PDLIM2: variants seen among roughly 807,000 people sequenced by gnomAD.
PDLIM2 encodes PDZ and LIM domain protein 2.
A neutral mutation model predicts 54.1 loss-of-function variants in PDLIM2; 51 were observed. The observed-to-expected ratio is 0.94, with a 90% CI of 0.75 to 1.19. The LOEUF is 1.19. PDLIM2 is among the 50% of genes most tolerant of loss of function. PDLIM2 has a pLI of 0.00. For synonymous variants in PDLIM2, 398 were observed against 385.6 expected, an observed-to-expected ratio of 1.03 and a Z score of -0.38; for missense variants, 912 against 874.0, an observed-to-expected ratio of 1.04 and a Z score of -0.55.
intron 1 of PDLIM2, chr8:22,579,598 C>G: frequency 7.3e-7 from 1 of 1,375,444 alleles, no homozygotes; most frequent in African/African-American, 1.5e-5. Flanking sequence ...GGAACAGAGG[C>G]TAGGCCTGGG....
chr8:22,585,115 A>T (rs762069501), exon 5 of PDLIM2: 1 of 1,613,544 alleles, frequency 6.2e-7, no homozygotes, highest in East Asian at 2.2e-5. Context: ...CCTTCTCACC[A>T]CCACCCTCTA....
At chr8:22,594,699 G>A (rs376729632), downstream of PDLIM2, 16 of 1,568,810 alleles carry the variant, frequency 1.0e-5, no homozygotes, top group African/African-American at 2.7e-5. Context: ...TTGGGCCCCC[G>A]GGGCCAGGTT....
chr8:22,580,214 A>G (rs753408389), intron 1 of PDLIM2: 7 of 319,726 alleles, frequency 2.2e-5, no homozygotes, highest in Non-Finnish European at 3.6e-5. Flanking sequence ...GGGGACAGGA[A>G]GCAAGCGCTA....
At chr8:22,583,854 GAAAAAAAAAAAAAAAA>G (rs530039600) in intron 3 of PDLIM2, among the ~76,000 whole-genome samples, 5 of 79,132 alleles carry the variant, frequency 6.3e-5, no homozygotes, top group Admixed American at 1.5e-4. Flanking sequence ...AGGCAAAATA[GAAAAAAAAAAAAAAAA>G]AAAAAAAAAA....
chr8:22,582,286 C>T (rs1233626686), intron 3 of PDLIM2, among the ~76,000 whole-genome samples: 1 of 152,238 alleles, frequency 6.6e-6, no homozygotes, highest in Non-Finnish European at 1.5e-5. Flanking sequence ...CCCTCCTTCT[C>T]CAACTGCCCT....
At position 22,581,406 on chromosome 8, in the gene PDLIM2, G is replaced by A. The variant is rs539425904; in HGVS notation, c.871G>A (p.Ala291Thr). Residue 291 changes from alanine to threonine, a missense_variant, in exon 3 of 10, where the codon GCT becomes ACT. Coordinates refer to ENST00000308354, the Ensembl canonical transcript of PDLIM2. ...GGCCGAGCGGGGCAAAGCCAAGGACGCTGACCTCCGGCCTGGAGACATAAT... is the reference window on the plus strand; with the variant it reads ...GGCCGAGCGGGGCAAAGCCAAGGACACTGACCTCCGGCCTGGAGACATAAT... The A allele has an allele frequency of 1.3e-5, 21 of 1,606,770 alleles. No homozygotes were observed. In the South Asian group the frequency reaches 1.9e-4, roughly 14 times the overall value.
rs530039600 is a variant in PDLIM2 at position 22,583,854 on chromosome 8, G to GA, written c.996-937dup. On this transcript the variant is annotated intron_variant, in intron 3 of 9. Coordinates refer to ENST00000308354, the Ensembl canonical transcript of PDLIM2. ...TCAGTGACAAAGTCCAGGCAAAATA[G>GA]AAAAAAAAAAAAAAAAAAAAAAAAA... Among the ~76,000 whole-genome samples the GA allele has an allele frequency of 5.8e-3, 458 of 79,090 alleles. 15 individuals carry two copies. The highest frequency in any genetic ancestry group is 0.021 in the Middle Eastern group (3 of 144). 51.9% of individuals were successfully genotyped at this position (79,090 alleles called of 152,430 possible). A position where few individuals can be genotyped will look rare whatever the true frequency, so the allele number is the denominator to read the frequency against.
intron 2 of PDLIM2, chr8:22,581,064 G>A: frequency 1.5e-6 from 1 of 666,366 alleles, no homozygotes; most frequent in Non-Finnish European, 2.8e-6. Flanking sequence ...GGCTGTGCAG[G>A]CAGCCACCTG....
At chr8:22,589,210 G>A (rs1800462052) in intron 6 of PDLIM2, 88 bp from the exon 6 acceptor site, 6 of 1,426,700 alleles carry the variant, frequency 4.2e-6, no homozygotes, top group Non-Finnish European at 5.7e-6. Context: ...CCTGGTGTCG[G>A]GCCTGGGAAC....
At chr8:22,583,587 G>A (rs943876250) in intron 3 of PDLIM2, among the ~76,000 whole-genome samples, 5 of 152,000 alleles carry the variant, frequency 3.3e-5, no homozygotes, top group African/African-American at 9.7e-5. Context: ...CCAATACGGC[G>A]AAACCCCGTC....
At chr8:22,581,490 A>C in exon 3 of PDLIM2, 3 of 1,602,926 alleles carry the variant, frequency 1.9e-6, no homozygotes, top group Non-Finnish European at 2.5e-6. Flanking sequence ...CCAGAGCAAG[A>C]TCCGCCAGAG....
intron 3 of PDLIM2, 133 bp from the exon 3 acceptor site, chr8:22,584,688 G>C: frequency 1.3e-6 from 1 of 746,716 alleles, no homozygotes; most frequent in Non-Finnish European, 2.2e-6. Flanking sequence ...GTTAAAAGTT[G>C]ACAACCGGAT....
intron 8 of PDLIM2, 174 bp downstream of exon 7, chr8:22,589,915 G>A: frequency 2.8e-6 from 1 of 362,054 alleles, no homozygotes; most frequent in Non-Finnish European, 4.6e-6. Flanking sequence ...GGAGCTGACG[G>A]TCCGGGAGGG....
intron 6 of PDLIM2, among the ~76,000 whole-genome samples, chr8:22,586,439 A>G (rs759871877): frequency 1.3e-5 from 2 of 151,976 alleles, no homozygotes; most frequent in Non-Finnish European, 2.9e-5. Flanking sequence ...CAAAAGCAGG[A>G]GGCGTTCTGG....
chr8:22,589,152 T>C, intron 6 of PDLIM2, 146 bp from the exon 6 acceptor site: 1 of 724,766 alleles, frequency 1.4e-6, no homozygotes, highest in African/African-American at 1.9e-5. Flanking sequence ...ACACCTTGGC[T>C]CCAAGGGAAG....
In PDLIM2 at chr8:22,585,545, G is replaced by A. The variant is rs916481534; in HGVS notation, c.1290+146G>A. On this transcript the variant is annotated intron_variant, in intron 6 of 9. Coordinates refer to ENST00000308354, the Ensembl canonical transcript of PDLIM2. ...CTGGCCACAGGCATGCTCTGCTCCT[G>A]AGCCAGGGAGGCCATGCTTCTGGTC... The A allele has an allele frequency of 7.1e-6, 5 of 709,022 alleles. No homozygotes were observed. In the African/African-American group the frequency reaches 1.0e-4, roughly 14 times the overall value. The allele number at this position is 709,022 out of a possible 1,614,324, so 43.9% of individuals were successfully genotyped here. A position where few individuals can be genotyped will look rare whatever the true frequency, so the allele number is the denominator to read the frequency against.
chr8:22,580,287 T>C lies in PDLIM2; in HGVS notation c.749-316T>C, dbSNP rs1484400450. 84 of 415,480 alleles carry C rather than the reference T, an allele frequency of 2.0e-4. 3 individuals are homozygous for C. The highest frequency in any genetic ancestry group is 1.8e-3 in the South Asian group (79 of 45,106). The allele number at this position is 415,480 out of a possible 1,614,324, so 25.7% of individuals were successfully genotyped here. On this transcript the variant is annotated intron_variant, in intron 1 of 9. Coordinates refer to ENST00000308354, the Ensembl canonical transcript of PDLIM2. ...AGGGGGTGCTGGCATCCCCTCCACTTGCCAGCCCCTGCCCCCCATGCTCCA... is the reference window on the plus strand; with the variant it reads ...AGGGGGTGCTGGCATCCCCTCCACTCGCCAGCCCCTGCCCCCCATGCTCCA...
exon 1 of PDLIM2, chr8:22,578,937 C>G: frequency 8.1e-7 from 1 of 1,238,508 alleles, no homozygotes; most frequent in East Asian, 3.2e-5. Context: ...CGGGCACCAC[C>G]GGCTGGACGG....
intron 7 of PDLIM2, 103 bp from the exon 7 acceptor site, chr8:22,589,493 C>G: frequency 1.3e-6 from 2 of 1,527,888 alleles, no homozygotes; most frequent in South Asian, 2.4e-5. Flanking sequence ...CTCCACCTCC[C>G]AGATTCCTCC....
Sources: gnomAD v4.1 joint callset for allele counts (sites outside exome capture counted in the v4.1 genomes callset) on GRCh38, gnomAD v4.1.1 for gene constraint, MANE v1.5 for transcripts, NCBI Gene and HGNC (gene_info 2026-07-23, HGNC 2026-07-21) for gene names.